ATAD1: variants seen among roughly 807,000 people sequenced by gnomAD.
ATAD1 encodes ATPase family AAA domain containing 1, also known as outer mitochondrial transmembrane helix translocase.
ATAD1 carries 18 observed loss-of-function variants against 42.7 expected under a neutral mutation model. That is an observed-to-expected ratio of 0.42 (90% confidence interval 0.29 to 0.63). ATAD1 has a LOEUF of 0.63. Ranked by LOEUF, ATAD1 falls within the 20% of genes least tolerant of loss-of-function variation. The pLI, the probability that ATAD1 is intolerant of heterozygous loss-of-function variation, is 0.19. For synonymous variants in ATAD1, 132 were observed against 143.1 expected, an observed-to-expected ratio of 0.92 and a Z score of 0.55; for missense variants, 294 against 440.4, an observed-to-expected ratio of 0.67 and a Z score of 2.98.
At chr10:87,778,323 T>C (rs1281410245) in intron 5 of ATAD1, among the ~76,000 whole-genome samples, 3 of 151,524 alleles carry the variant, frequency 2.0e-5, no homozygotes, top group African/African-American at 7.3e-5. Context: ...AGAAGAAACA[T>C]ACTATAAATA....
At chr10:87,776,519 G>A in intron 5 of ATAD1, 92 bp from the exon 6 acceptor site, 1 of 1,004,226 alleles carries the variant, frequency 1.0e-6, no homozygotes, top group Non-Finnish European at 1.5e-6. Flanking sequence ...CCCAGGCTGG[G>A]GTGCAATGGC....
At chr10:87,776,478 C>T in intron 5 of ATAD1, 51 bp from the exon 6 acceptor site, 2 of 1,465,264 alleles carry the variant, frequency 1.4e-6, no homozygotes, top group African/African-American at 2.8e-5. Context: ...ATTATTTACC[C>T]TTTTTTTTGA....
rs374800219 is a variant in ATAD1, at chr10:87,785,345, T to C, written c.383-675A>G. 9.9e-4 allele frequency among the ~76,000 whole-genome samples: 149 copies of C among 150,984 alleles called. 2 individuals carry two copies. The South Asian group carries it at 0.029, about 29-fold the overall frequency. ...CAACTGTTTCTCAACTAAAATGAGA[T>C]AGCATTTTCTAAATTTAATAATATT... On this transcript the variant is annotated intron_variant, in intron 4 of 9. Coordinates refer to ENST00000680024, the MANE Select transcript of ATAD1 (RefSeq NM_001321967.2).
At chr10:87,754,932 A>G in intron 9 of ATAD1, 125 bp from the exon 10 acceptor site, 3 of 1,167,794 alleles carry the variant, frequency 2.6e-6, no homozygotes, top group South Asian at 3.4e-5. Context: ...ACTGTAGAAA[A>G]GGGTATAAAA....
chr10:87,832,352 CCATTGCA>C, intron 1 of ATAD1: 1 of 151,590 alleles, frequency 6.6e-6, no homozygotes, highest in South Asian at 2.1e-4. Context: ...CATAACTGTA[CCATTGCA>C]CTCCAGCCTG....
intron 7 of ATAD1, among the ~76,000 whole-genome samples, chr10:87,769,757 C>T (rs1006782146): frequency 4.6e-5 from 7 of 151,946 alleles, no homozygotes; most frequent in Admixed American, 4.6e-4. Context: ...ACCAGCCTGG[C>T]CAACATGGTG....
At chr10:87,756,568 T>G (rs976385759) in intron 9 of ATAD1, among the ~76,000 whole-genome samples, 1 of 152,214 alleles carries the variant, frequency 6.6e-6, no homozygotes, top group Non-Finnish European at 1.5e-5. Flanking sequence ...AATTCACCTT[T>G]TTTCTCCTTC....
In ATAD1 at chr10:87,776,340, T is replaced by C. The variant is rs745557544; in HGVS notation, c.671A>G (p.Asp224Gly). The C allele has an allele frequency of 6.2e-6, 10 of 1,613,222 alleles. No homozygotes were observed. The highest frequency in any genetic ancestry group is 8.5e-6 in the Non-Finnish European group (10 of 1,179,378). Residue 224 changes from aspartate (D) to glycine (G), a missense_variant, in exon 6 of 10, where the codon GAT (aspartate) becomes GGT (glycine). This residue lies in a region of ATAD1 where 142 missense variants were observed against 174.6 expected (regional missense o/e 0.81). Coordinates refer to ENST00000680024, the MANE Select transcript of ATAD1 (RefSeq NM_001321967.2). ...AQFMSLWDGL[D>G]TDHSCQVIVM... ...AAATACCTGGCAGCTGTGATCAGTATCCAATCCATCCCAGAGACTCATAAA... is the reference window on the plus strand; with the variant it reads ...AAATACCTGGCAGCTGTGATCAGTACCCAATCCATCCCAGAGACTCATAAA...
At chr10:87,831,274 A>G (rs2036029731) in intron 1 of ATAD1, among the ~76,000 whole-genome samples, 1 of 130,118 alleles carries the variant, frequency 7.7e-6, no homozygotes, top group Non-Finnish European at 1.7e-5. Flanking sequence ...CATAGGATTC[A>G]CTAACTGCTT....
chr10:87,827,104 T>C (rs1857744269), intron 1 of ATAD1, among the ~76,000 whole-genome samples: 1 of 152,206 alleles, frequency 6.6e-6, no homozygotes, highest in South Asian at 2.1e-4. Context: ...CCAAAGTAGT[T>C]TGAAGCATGC....
chr10:87,802,834 A>C (rs1351169645), intron 2 of ATAD1, among the ~76,000 whole-genome samples: 1 of 152,140 alleles, frequency 6.6e-6, no homozygotes, highest in African/African-American at 2.4e-5. Flanking sequence ...CCTGCCTAAT[A>C]TTTTTCAATT....
intron 5 of ATAD1, among the ~76,000 whole-genome samples, chr10:87,782,442 C>A (rs1396518339): frequency 6.6e-6 from 1 of 151,816 alleles, no homozygotes; most frequent in East Asian, 1.9e-4. Context: ...ACAAGCAATG[C>A]CAGTATAAAA....
intron 2 of ATAD1, among the ~76,000 whole-genome samples, chr10:87,809,918 T>C (rs1441661076): frequency 6.6e-6 from 1 of 152,134 alleles, no homozygotes; most frequent in South Asian, 2.1e-4. Flanking sequence ...AGTGCTAGGA[T>C]TACAGGTGTA....
chr10:87,797,639 G>A (rs1856461459), intron 2 of ATAD1, among the ~76,000 whole-genome samples: 1 of 152,118 alleles, frequency 6.6e-6, no homozygotes, highest in African/African-American at 2.4e-5. Context: ...TGGCTTGGGG[G>A]TACCAGAGAT....
chr10:87,755,811 G>A (rs1043806324), intron 9 of ATAD1, among the ~76,000 whole-genome samples: 1 of 152,074 alleles, frequency 6.6e-6, no homozygotes, highest in African/African-American at 2.4e-5. Flanking sequence ...ACTGAGACAG[G>A]AGAATCGCTT....
chr10:87,816,393 T>C (rs1353055275), intron 1 of ATAD1, among the ~76,000 whole-genome samples: 1 of 152,206 alleles, frequency 6.6e-6, no homozygotes, highest in Admixed American at 6.5e-5. Context: ...ACTAAATAAT[T>C]GAAAGCCTTC....
chr10:87,813,352 CTT>C (rs60561376), intron 2 of ATAD1, among the ~76,000 whole-genome samples: 24 of 139,278 alleles, frequency 1.7e-4, no homozygotes, highest in Middle Eastern at 3.6e-3. Flanking sequence ...ACTAGTTTTT[CTT>C]TTTTTTTTTT....
At chr10:87,827,924 G>A (rs1857758511) in intron 1 of ATAD1, among the ~76,000 whole-genome samples, 1 of 152,104 alleles carries the variant, frequency 6.6e-6, no homozygotes, top group South Asian at 2.1e-4. Flanking sequence ...TAGCCAAGTG[G>A]TGAATGCAAA....
At chr10:87,812,176 A>AT (rs1467484735) in intron 2 of ATAD1, among the ~76,000 whole-genome samples, 1 of 151,076 alleles carries the variant, frequency 6.6e-6, no homozygotes, top group East Asian at 1.9e-4. Context: ...GCATACTACT[A>AT]TAAGGTGAAT....
Sources: gnomAD v4.1 joint callset for allele counts (sites outside exome capture counted in the v4.1 genomes callset) on GRCh38, gnomAD v4.1.1 for gene constraint, gnomAD v4.1.1 regional missense constraint, MANE v1.5 for transcripts, NCBI Gene and HGNC (gene_info 2026-07-23, HGNC 2026-07-21) for gene names.